Variants in TJP2 observed in about 807,000 individuals in gnomAD.
TJP2 encodes the protein Friedreich ataxia region gene X104 (tight junction protein ZO-2).
A neutral mutation model predicts 133.1 loss-of-function variants in TJP2; 91 were observed. The observed-to-expected ratio is 0.68, with a 90% CI of 0.58 to 0.81. The LOEUF (loss-of-function observed/expected upper bound fraction) is 0.81. Among genes scored for constraint, TJP2 ranks in the 40% least tolerant of loss-of-function variants. The pLI is 0.00. For synonymous variants in TJP2, 592 were observed against 583.4 expected, an observed-to-expected ratio of 1.01 and a Z score of -0.21; for missense variants, 1,541 against 1,565.6, an observed-to-expected ratio of 0.98 and a Z score of 0.26.
At chr9:69,239,193 A>AT (rs1264757953) in intron 16 of TJP2, among the ~76,000 whole-genome samples, 2 of 150,226 alleles carry the variant, frequency 1.3e-5, no homozygotes, top group African/African-American at 2.5e-5. Context: ...ATCTCAAAAA[A>AT]ATATATATAT....
chr9:69,234,591 G>GGGGGGGGGGC, intron 12 of TJP2, 44 bp downstream of exon 12: 2 of 572,854 alleles, frequency 3.5e-6, no homozygotes, highest in East Asian at 4.1e-5. Context: ...TGGGGGTGGG[G>GGGGGGGGGGC]AGTGGGAAGG....
chr9:69,186,959 T>C (rs1361314411), intron 1 of TJP2, among the ~76,000 whole-genome samples: 1 of 152,208 alleles, frequency 6.6e-6, no homozygotes, highest in East Asian at 1.9e-4. Flanking sequence ...AATTTCTCTG[T>C]GGGCGTTTCT....
chr9:69,248,387 A>G, intron 19 of TJP2, 163 bp downstream of exon 19: 1 of 1,437,436 alleles, frequency 7.0e-7, no homozygotes, highest in Non-Finnish European at 9.2e-7. Flanking sequence ...GCATGGTTGC[A>G]GTCTGTGGGA....
rs1484195004 is a variant in TJP2, at chr9:69,179,539, C to T, written c.60+5107C>T. On this transcript the variant is annotated intron_variant, in intron 1 of 22. Transcript: ENST00000377245. The stretch of plus-strand genomic sequence containing the variant: ...TTTTTTTTTTTTTGAGACGGAGTCT[C>T]CCTCTGTCGCCCAGGCTGGAATGCA... Among the ~76,000 whole-genome samples, 6 of 146,962 alleles carry T rather than the reference C, an allele frequency of 4.1e-5. No individual in the cohort carries two copies. In the East Asian group the frequency reaches 9.9e-4, roughly 24 times the overall value.
At position 69,227,808 on chromosome 9, in the gene TJP2, G is replaced by C; in HGVS notation, c.1254G>C (p.Glu418Asp). ...IESNRSFSPEERRHQYSDYDY... is the reference protein window; with the variant it reads ...IESNRSFSPEDRRHQYSDYDY... Reference sequence around the variant, plus strand: ...CAAACCGATCATTTTCTCCAGAGGAGAGACGTCATCAGTATTCTGATTATG... The same window carrying C: ...CAAACCGATCATTTTCTCCAGAGGACAGACGTCATCAGTATTCTGATTATG... Residue 418 changes from glutamate to aspartate, a missense_variant, in exon 8 of 23, where the codon GAG (glutamate) becomes GAC (aspartate). Transcript: ENST00000377245. 1 of 1,613,922 alleles carries C rather than the reference G, an allele frequency of 6.2e-7. No individual in the cohort carries two copies. Among genetic ancestry groups the C allele is most frequent in the Non-Finnish European group, 8.5e-7 (1 of 1,179,872 alleles).
intron 20 of TJP2, chr9:69,249,886 G>C (rs771950124): frequency 5.4e-5 from 17 of 317,360 alleles, no homozygotes; most frequent in Non-Finnish European, 7.7e-5. Flanking sequence ...ATTCTTACTG[G>C]TGATGTGCTA....
chr9:69,216,235 A>G (rs765534443), intron 2 of TJP2, 104 bp from the exon 3 acceptor site: 4 of 1,374,758 alleles, frequency 2.9e-6, no homozygotes, highest in Non-Finnish European at 4.1e-6. Context: ...GTTCCTGAAC[A>G]GTCTCTGGTT....
chr9:69,193,404 A>T (rs1378397421), intron 1 of TJP2, among the ~76,000 whole-genome samples: 1 of 151,688 alleles, frequency 6.6e-6, no homozygotes, highest in Non-Finnish European at 1.5e-5. Context: ...CAAAAAGGAA[A>T]ATTGGGTGCC....
In TJP2 at chr9:69,202,813, T is replaced by G. The variant is rs12345636; in HGVS notation, c.61-9735T>G. Among the ~76,000 whole-genome samples, 1,444 of 152,176 alleles carry G rather than the reference T, an allele frequency of 9.5e-3. 30 individuals carry two copies. Among genetic ancestry groups the G allele is most frequent in the African/African-American group, 0.032 (1,331 of 41,516 alleles). On this transcript the variant is annotated intron_variant, in intron 1 of 22. Coordinates refer to ENST00000377245, the MANE Select transcript of TJP2 (RefSeq NM_004817.4). ...GAGGCAGGCACACTCTGTATAACTT[T>G]TATTGAAAAAAACCCATGGATAAGT...
chr9:69,175,385 T>C (rs1353957348), intron 1 of TJP2, among the ~76,000 whole-genome samples: 1 of 152,184 alleles, frequency 6.6e-6, no homozygotes, highest in Non-Finnish European at 1.5e-5. Flanking sequence ...CCCCAGGTGG[T>C]CTGTGCTGGG....
At chr9:69,230,543 A>AT (rs1263738196) in intron 11 of TJP2, among the ~76,000 whole-genome samples, 1 of 152,064 alleles carries the variant, frequency 6.6e-6, no homozygotes, top group African/African-American at 2.4e-5. Context: ...TTTCAAAAAG[A>AT]TTTTTCTGAT....
At chr9:69,252,922 C>T (rs78327988) in intron 22 of TJP2, 22 bp downstream of exon 22, 28 of 1,611,634 alleles carry the variant, frequency 1.7e-5, no homozygotes, top group Non-Finnish European at 2.0e-5. Context: ...CTAGTGGGTA[C>T]AGGTCTAAGG....
rs758886043 is a variant in TJP2 at position 69,234,439 on chromosome 9, G to A, written c.1672G>A (p.Val558Met). The stretch of plus-strand genomic sequence containing the variant: ...TTTTTCTGTTTTTCCTTCCTAATAG[G>A]TGAACACACAGGATTTCAGAGGATT... ...GLQEGDQILK[V>M]NTQDFRGLVR... Residue 558 changes from valine to methionine, a missense_variant and splice_region_variant, in exon 12 of 23, where the codon GTG becomes ATG. Transcript: ENST00000377245. 3 of 1,542,464 alleles carry A rather than the reference G, an allele frequency of 1.9e-6. No individual in the cohort carries two copies. The South Asian group carries it at 3.5e-5, about 18-fold the overall frequency.
intron 11 of TJP2, among the ~76,000 whole-genome samples, chr9:69,233,758 CAG>C (rs1287080170): frequency 6.6e-6 from 1 of 151,412 alleles, no homozygotes; most frequent in Non-Finnish European, 1.5e-5. Flanking sequence ...GCCTGGGCGA[CAG>C]AGGGAGACTA....
At chr9:69,247,087 C>T (rs549434711) in intron 18 of TJP2, among the ~76,000 whole-genome samples, 3 of 152,320 alleles carry the variant, frequency 2.0e-5, no homozygotes, top group African/African-American at 7.2e-5. Flanking sequence ...TGCTGAGCTC[C>T]ACAGCTTACT....
intron 1 of TJP2, among the ~76,000 whole-genome samples, chr9:69,200,862 A>G (rs1211186477): frequency 1.3e-5 from 2 of 152,118 alleles, no homozygotes; most frequent in South Asian, 2.1e-4. Flanking sequence ...TCCTAGGATT[A>G]ATTCTTCCCA....
In TJP2 at chr9:69,248,162, C is replaced by G; in HGVS notation, c.2818C>G (p.Pro940Ala). The G allele has an allele frequency of 1.2e-6, 2 of 1,613,318 alleles. No individual in the cohort carries two copies. The highest frequency in any genetic ancestry group is 2.2e-5 in the South Asian group (2 of 91,056). The change falls in exon 19 of 23, where the codon CCA (proline) becomes GCA (alanine). Residue 940 changes from proline to alanine, a missense_variant. Pro to Ala is a conservative substitution (Grantham distance 27, BLOSUM62 -1). Transcript: ENST00000377245. ...CTACACTGACAATGAGCTGGATGAG[C>G]CAGCCGAGGAGCCGCTGGTGTCGTC... is the stretch of plus-strand genomic sequence containing the variant. ...GAYTDNELDEPAEEPLVSSIT... is the reference protein window; with the variant it reads ...GAYTDNELDEAAEEPLVSSIT...
chr9:69,189,315 G>C (rs891785871), intron 1 of TJP2, among the ~76,000 whole-genome samples: 2 of 152,102 alleles, frequency 1.3e-5, no homozygotes, highest in Non-Finnish European at 2.9e-5. Context: ...CTTCTTTCCT[G>C]TTTCTCCACT....
In TJP2 at chr9:69,249,400, C is replaced by T. The variant is rs777739913; in HGVS notation, c.2906C>T (p.Pro969Leu). 10 of 1,611,376 alleles carry T rather than the reference C, an allele frequency of 6.2e-6. No homozygotes were observed. The highest frequency in any genetic ancestry group is 1.7e-4 in the Middle Eastern group (1 of 6,058). ...AGCATAAGGAAACCCAGCCCAGAGC[C>T]ACGAGCTCAGATGAGGAGGGCTGCT... ...EESIRKPSPE[P>L]RAQMRRAASS... Residue 969 changes from proline to leucine, a missense_variant, in exon 20 of 23, where the codon CCA (proline) becomes CTA (leucine). Physicochemically the swap from Pro to Leu is moderately conservative, Grantham distance 98. Coordinates refer to ENST00000377245, the MANE Select transcript of TJP2 (RefSeq NM_004817.4).
Sources: gnomAD v4.1 joint callset for allele counts (sites outside exome capture counted in the v4.1 genomes callset) on GRCh38, gnomAD v4.1.1 for gene constraint, MANE v1.5 for transcripts, NCBI Gene and HGNC (gene_info 2026-07-23, HGNC 2026-07-21) for gene names.